PRKG1: variants seen among roughly 807,000 people sequenced by gnomAD.
PRKG1 encodes the protein cGMP-dependent protein kinase 1.
PRKG1 carries 35 observed loss-of-function variants against 88.1 expected under a neutral mutation model. The ratio of observed to expected loss-of-function variants is 0.40; its 90% CI spans 0.30 to 0.53. The LOEUF (loss-of-function observed/expected upper bound fraction) is 0.53, where lower values mean the gene tolerates loss of function less well. Among genes scored for constraint, PRKG1 ranks in the 20% least tolerant of loss-of-function variants. The probability of loss-of-function intolerance (pLI) is 0.59; values close to 1 mark genes in which losing one functional copy is unlikely to be tolerated. For missense variants in PRKG1, 540 were observed against 839.8 expected (o/e 0.64, Z 4.41); for synonymous variants, 303 against 292.5 (o/e 1.04, Z -0.37).
At chr10:51,680,859 A>G (rs761773585) in intron 3 of PRKG1, among the ~76,000 whole-genome samples, 7 of 152,220 alleles carry the variant, frequency 4.6e-5, no homozygotes, top group Non-Finnish European at 7.3e-5. Flanking sequence ...ATTGCTTGTA[A>G]CATGGTGGCA....
intron 3 of PRKG1, among the ~76,000 whole-genome samples, chr10:51,660,986 T>C (rs1419251704): frequency 1.3e-5 from 2 of 151,990 alleles, no homozygotes; most frequent in Admixed American, 1.3e-4. Flanking sequence ...AAATCACATA[T>C]TAGAATCCAA....
intron 5 of PRKG1, among the ~76,000 whole-genome samples, chr10:52,004,533 T>G (rs1844681236): frequency 6.6e-6 from 1 of 152,196 alleles, no homozygotes; most frequent in Non-Finnish European, 1.5e-5. Context: ...GGATAATGTG[T>G]GAACAGCATC....
intron 4 of PRKG1, among the ~76,000 whole-genome samples, chr10:51,817,565 T>C (rs575108602): frequency 3.3e-4 from 51 of 152,292 alleles, no homozygotes; most frequent in African/African-American, 1.2e-3. Flanking sequence ...TTCCATGGTG[T>C]GTATATGCCA....
chr10:51,312,115 G>T (rs1418961651), intron 2 of PRKG1, among the ~76,000 whole-genome samples: 1 of 152,072 alleles, frequency 6.6e-6, no homozygotes, highest in African/African-American at 2.4e-5. Flanking sequence ...CAGGTGATCT[G>T]CCCGCCTCGG....
rs1564639113 is a variant in PRKG1 at position 51,768,032 on chromosome 10, A to AAAT, written c.593-36551_593-36550insTAA. On this transcript the variant is annotated intron_variant, in intron 3 of 17. Transcript: ENST00000373980. The stretch of plus-strand genomic sequence containing the variant: ...ATTAAAAAAAAAATAAATAAATAAA[A>AAAT]AAACGTTTTAAAATGCACTAAATTA... 4.2e-3 allele frequency among the ~76,000 whole-genome samples: 637 copies of AAAT among 152,170 alleles called. 6 individuals are homozygous for AAAT. The highest frequency in any genetic ancestry group is 0.014 in the African/African-American group (596 of 41,500).
At chr10:52,215,495 A>C (rs1840088822) in intron 9 of PRKG1, among the ~76,000 whole-genome samples, 1 of 152,204 alleles carries the variant, frequency 6.6e-6, no homozygotes, top group South Asian at 2.1e-4. Context: ...AGCAACAAGA[A>C]AATAAAAGTA....
In PRKG1 at chr10:51,433,674, T is replaced by C. The variant is rs535637291; in HGVS notation, c.479-34049T>C. On this transcript the variant is annotated intron_variant, in intron 2 of 17. Transcript: ENST00000373980. Reference sequence around the variant, plus strand: ...CGTCCCACCGTGTGGGTGGTGAGCATATTATGTGTTCACATAGAACTATGT... The same window carrying C: ...CGTCCCACCGTGTGGGTGGTGAGCACATTATGTGTTCACATAGAACTATGT... 5.9e-5 allele frequency among the ~76,000 whole-genome samples: 9 copies of C among 152,256 alleles called. No homozygotes were observed. In the South Asian group the frequency reaches 1.9e-3, roughly 32 times the overall value.
intron 2 of PRKG1, among the ~76,000 whole-genome samples, chr10:51,405,521 A>G (rs1430176659): frequency 6.6e-6 from 1 of 152,224 alleles, no homozygotes; most frequent in Admixed American, 6.5e-5. Context: ...GCGATTTCAA[A>G]TAAGTAAACC....
chr10:51,482,787 A>C (rs1840402958), intron 3 of PRKG1, among the ~76,000 whole-genome samples: 1 of 152,162 alleles, frequency 6.6e-6, no homozygotes, highest in Non-Finnish European at 1.5e-5. Flanking sequence ...TCTAAGCTTC[A>C]GTTTCATCAT....
chr10:51,545,890 C>A (rs530190689), intron 3 of PRKG1, among the ~76,000 whole-genome samples: 2 of 151,814 alleles, frequency 1.3e-5, no homozygotes, highest in African/African-American at 2.4e-5. Flanking sequence ...CCCCCTACAC[C>A]CCCACCCAGC....
chr10:51,464,888 C>G (rs1839852725), intron 2 of PRKG1, among the ~76,000 whole-genome samples: 2 of 60,974 alleles, frequency 3.3e-5, no homozygotes, highest in South Asian at 1.6e-3. Flanking sequence ...GAGACTCCGT[C>G]TCAAAAAAAA....
chr10:51,686,735 AC>A (rs1159531656), intron 3 of PRKG1, among the ~76,000 whole-genome samples: 7 of 152,070 alleles, frequency 4.6e-5, no homozygotes, highest in African/African-American at 1.2e-4. Context: ...TTTCTTTACA[AC>A]CTTTTTTGTT....
intron 9 of PRKG1, among the ~76,000 whole-genome samples, chr10:52,191,235 C>T (rs1346612091): frequency 6.6e-6 from 1 of 152,104 alleles, no homozygotes; most frequent in Non-Finnish European, 1.5e-5. Flanking sequence ...TCACTGCAGC[C>T]TAGACCTACT....
At chr10:51,332,230 C>T (rs1353116756) in intron 2 of PRKG1, among the ~76,000 whole-genome samples, 3 of 152,128 alleles carry the variant, frequency 2.0e-5, no homozygotes, top group Non-Finnish European at 4.4e-5. Flanking sequence ...AGACATAACA[C>T]TGAAAACATT....
intron 1 of PRKG1, among the ~76,000 whole-genome samples, chr10:51,143,412 T>G (rs1039590252): frequency 6.6e-6 from 1 of 152,150 alleles, no homozygotes; most frequent in Non-Finnish European, 1.5e-5. Flanking sequence ...TTCCATAGCT[T>G]GGCTATTGCA....
chr10:51,598,446 G>A (rs1838513061), intron 3 of PRKG1, among the ~76,000 whole-genome samples: 1 of 152,118 alleles, frequency 6.6e-6, no homozygotes. Flanking sequence ...GTTAATTTTT[G>A]TATTTTTAGT....
chr10:51,461,092 T>G (rs1179592552), intron 2 of PRKG1, among the ~76,000 whole-genome samples: 1 of 152,184 alleles, frequency 6.6e-6, no homozygotes, highest in Non-Finnish European at 1.5e-5. Context: ...TTAGTTCATA[T>G]GCAATATGTA....
intron 2 of PRKG1, among the ~76,000 whole-genome samples, chr10:51,224,434 A>G (rs1838635611): frequency 6.6e-6 from 1 of 152,240 alleles, no homozygotes; most frequent in South Asian, 2.1e-4. Context: ...ATGAATATTT[A>G]TTGCTCAGAG....
At chr10:51,484,491 G>A (rs1248562042) in intron 3 of PRKG1, among the ~76,000 whole-genome samples, 1 of 152,084 alleles carries the variant, frequency 6.6e-6, no homozygotes, top group East Asian at 1.9e-4. Context: ...TGCCAAGGCT[G>A]GTCTCAAACT....
Sources: allele counts gnomAD v4.1 joint callset (sites outside exome capture counted in the v4.1 genomes callset), GRCh38; gene constraint gnomAD v4.1.1; transcripts MANE v1.5; gene names NCBI Gene and HGNC (gene_info 2026-07-23, HGNC 2026-07-21).